CSPP1: variants seen among roughly 807,000 people sequenced by gnomAD.
The protein encoded by CSPP1 is centrosome and spindle pole-associated protein 1.
A neutral mutation model predicts 164.4 loss-of-function variants in CSPP1; 126 were observed. The observed-to-expected ratio is 0.77, with a 90% confidence interval of 0.66 to 0.89. CSPP1 has a LOEUF of 0.89. Ranked by LOEUF, CSPP1 falls within the 40% of genes least tolerant of loss-of-function variation. CSPP1 has a pLI of 0.00. For missense variants in CSPP1, 1,395 were observed against 1,449.8 expected, an observed-to-expected ratio of 0.96 and a Z score of 0.61; for synonymous variants, 472 against 476.7, an observed-to-expected ratio of 0.99 and a Z score of 0.13.
At chr8:67,184,941 T>TCCAAAAAAA (rs1834075703) in intron 28 of CSPP1, among the ~76,000 whole-genome samples, 1 of 22,326 alleles carries the variant, frequency 4.5e-5, no homozygotes, top group Admixed American at 4.9e-4. Context: ...CTACTAAAAA[T>TCCAAAAAAA]ACAAAAAAAA....
intron 21 of CSPP1, 77 bp downstream of exon 21, chr8:67,159,214 A>G: frequency 7.5e-7 from 1 of 1,338,996 alleles, no homozygotes; most frequent in South Asian, 1.4e-5. Flanking sequence ...AGTTGTTAGA[A>G]AAGGGGAGAA....
chr8:67,168,044 C>G (rs904786506), intron 24 of CSPP1, among the ~76,000 whole-genome samples: 1 of 152,212 alleles, frequency 6.6e-6, no homozygotes, highest in Non-Finnish European at 1.5e-5. Context: ...TCTGCAATCC[C>G]GGCACCTCGG....
Position 67,154,123 on chromosome 8 carries a change from T to C in CSPP1, c.2228T>C (p.Phe743Ser), listed in dbSNP as rs776906166. Residue 743 changes from phenylalanine to serine, a missense_variant, in exon 19 of 31, where the codon TTT becomes TCT. Coordinates refer to ENST00000678616, the MANE Select transcript of CSPP1 (RefSeq NM_001382391.1). Reference sequence around the variant, plus strand: ...AAACAGCAAGAATTATACAAGAATTTTCTTCGTTTCCAGGTGAAATGCTAT... The same window carrying C: ...AAACAGCAAGAATTATACAAGAATTCTCTTCGTTTCCAGGTGAAATGCTAT... ...QIKQQELYKN[F>S]LRFQIEEKKQ... 1.3e-6 allele frequency: 2 copies of C among 1,523,462 alleles called. No homozygotes were observed. Among genetic ancestry groups the C allele is most frequent in the Admixed American group, 3.4e-5 (2 of 59,228 alleles). 94.4% of individuals were successfully genotyped at this position (1,523,462 alleles called of 1,614,324 possible). A position where few individuals can be genotyped will look rare whatever the true frequency, so the allele number is the denominator to read the frequency against.
At chr8:67,108,993 T>C (rs967248806) in intron 9 of CSPP1, among the ~76,000 whole-genome samples, 1 of 152,182 alleles carries the variant, frequency 6.6e-6, no homozygotes, top group Non-Finnish European at 1.5e-5. Flanking sequence ...CTCTTTCAGG[T>C]CTTCTGTATT....
At chr8:67,122,356 T>C (rs771321936) in intron 15 of CSPP1, among the ~76,000 whole-genome samples, 3 of 152,204 alleles carry the variant, frequency 2.0e-5, no homozygotes, top group Non-Finnish European at 2.9e-5. Context: ...CTTTGTTTGG[T>C]ATGTATACTT....
At chr8:67,123,489 CTA>C (rs773235807) in intron 15 of CSPP1, among the ~76,000 whole-genome samples, 25 of 152,038 alleles carry the variant, frequency 1.6e-4, no homozygotes, top group Non-Finnish European at 2.9e-4. Flanking sequence ...AAAGATGTCT[CTA>C]TGTAGACAGA....
rs541678171 is a variant in CSPP1, at chr8:67,102,024, G to T, written c.924-1013G>T. ...AGAAATTAAGCTAAAAATAAAATCA[G>T]TGTTTGCCAAATGGAAAAAAGATTG... On this transcript the variant is annotated intron_variant, in intron 7 of 30. Coordinates refer to ENST00000678616, the MANE Select transcript of CSPP1 (RefSeq NM_001382391.1). Among the ~76,000 whole-genome samples the T allele has an allele frequency of 3.3e-5, 5 of 152,264 alleles. No individual in the cohort carries two copies. In the South Asian group the frequency reaches 1.0e-3, roughly 32 times the overall value.
intron 30 of CSPP1, among the ~76,000 whole-genome samples, chr8:67,194,597 A>G (rs993384902): frequency 6.6e-5 from 10 of 152,076 alleles, no homozygotes; most frequent in African/African-American, 1.7e-4. Context: ...TAATGTCTAC[A>G]CTGTTTTTTA....
At chr8:67,105,068 C>T (rs568762314) in intron 8 of CSPP1, among the ~76,000 whole-genome samples, 17 of 142,072 alleles carry the variant, frequency 1.2e-4, no homozygotes, top group African/African-American at 4.5e-4. Flanking sequence ...TTCTGTCACC[C>T]GGGCTGGAGT....
intron 7 of CSPP1, among the ~76,000 whole-genome samples, chr8:67,101,698 A>C (rs1399903446): frequency 6.6e-6 from 1 of 152,234 alleles, no homozygotes; most frequent in African/African-American, 2.4e-5. Context: ...TGATATTGAC[A>C]GTGGCTTGTA....
At chr8:67,135,502 T>C (rs1467026749) in intron 16 of CSPP1, 1 of 152,208 alleles carries the variant, frequency 6.6e-6, no homozygotes, top group Non-Finnish European at 1.5e-5. Flanking sequence ...CTCAACTTCA[T>C]GAACCAACCT....
chr8:67,170,641 T>C (rs1294649152), intron 24 of CSPP1, among the ~76,000 whole-genome samples: 1 of 152,154 alleles, frequency 6.6e-6, no homozygotes, highest in Non-Finnish European at 1.5e-5. Context: ...ATTTTATTTT[T>C]TCCATGAACA....
chr8:67,094,271 CTTT>C (rs762941914), intron 6 of CSPP1, among the ~76,000 whole-genome samples: 2 of 121,482 alleles, frequency 1.6e-5, no homozygotes, highest in African/African-American at 3.1e-5. Context: ...TTTATCCTCT[CTTT>C]TTTTTTTTTT....
intron 17 of CSPP1, among the ~76,000 whole-genome samples, chr8:67,148,045 A>C (rs1305806836): frequency 6.7e-6 from 1 of 148,882 alleles, no homozygotes; most frequent in African/African-American, 2.5e-5. Context: ...CAGCCCCCCA[A>C]GTAGCTGGGA....
intron 9 of CSPP1, among the ~76,000 whole-genome samples, chr8:67,111,465 T>C (rs963639679): frequency 2.6e-5 from 4 of 152,090 alleles, no homozygotes; most frequent in Admixed American, 2.0e-4. Flanking sequence ...AGAGGACTTA[T>C]CCAAGGTTAA....
intron 15 of CSPP1, among the ~76,000 whole-genome samples, chr8:67,127,905 T>G (rs1490876712): frequency 1.3e-5 from 2 of 152,234 alleles, no homozygotes; most frequent in Non-Finnish European, 2.9e-5. Flanking sequence ...AATATTTGTT[T>G]GTTTCCAAGC....
At chr8:67,107,739 T>G (rs1398698379) in intron 9 of CSPP1, among the ~76,000 whole-genome samples, 1 of 152,176 alleles carries the variant, frequency 6.6e-6, no homozygotes, top group Non-Finnish European at 1.5e-5. Context: ...AGGATGTCAC[T>G]TGGGACCTTT....
At chr8:67,136,525 C>T (rs750102956) in intron 16 of CSPP1, among the ~76,000 whole-genome samples, 1 of 142,720 alleles carries the variant, frequency 7.0e-6, no homozygotes, top group Non-Finnish European at 1.5e-5. Flanking sequence ...GCTGAGATCA[C>T]GCCACTGCAC....
At chr8:67,066,119 G>A (rs530379679) in intron 1 of CSPP1, among the ~76,000 whole-genome samples, 1 of 152,286 alleles carries the variant, frequency 6.6e-6, no homozygotes, top group South Asian at 2.1e-4. Flanking sequence ...ACCATTAAGG[G>A]TGTATTATTA....
Sources: allele counts gnomAD v4.1 joint callset (sites outside exome capture counted in the v4.1 genomes callset), GRCh38; gene constraint gnomAD v4.1.1; transcripts MANE v1.5; gene names NCBI Gene and HGNC (gene_info 2026-07-23, HGNC 2026-07-21).